MRAP2: variants seen among roughly 807,000 people sequenced by gnomAD.
MRAP2 encodes the protein melanocortin-2 receptor accessory protein 2.
A neutral mutation model predicts 17.4 loss-of-function variants in MRAP2; 20 were observed. That is an observed-to-expected ratio of 1.15 (90% CI 0.81 to 1.67). MRAP2 has a LOEUF of 1.67. MRAP2 is among the 40% of genes most tolerant of loss of function. MRAP2 has a pLI of 0.00. For missense variants in MRAP2, 238 were observed against 240.0 expected (o/e 0.99, Z 0.05); for synonymous variants, 96 against 88.4 (o/e 1.09, Z -0.48).
chr6:84,145,422 G>C, the MRAP2 span, among the ~76,000 whole-genome samples: 4 of 152,114 alleles, frequency 2.6e-5, no homozygotes, highest in Non-Finnish European at 5.9e-5. Context: ...ACCAAGCCAA[G>C]TTTAATGAGA....
downstream of MRAP2, among the ~76,000 whole-genome samples, chr6:84,094,042 A>G (rs998861304): frequency 5.9e-5 from 9 of 152,216 alleles, no homozygotes; most frequent in African/African-American, 2.2e-4. Flanking sequence ...AACATTTTCA[A>G]GAACTAGGGT....
the MRAP2 span, among the ~76,000 whole-genome samples, chr6:84,141,950 T>G: frequency 6.6e-5 from 10 of 152,320 alleles, no homozygotes; most frequent in African/African-American, 1.7e-4. Context: ...AAATGCCTTC[T>G]TGGAGAAAAC....
chr6:84,046,716 G>T (rs962653482), intron 1 of MRAP2, among the ~76,000 whole-genome samples: 2 of 149,274 alleles, frequency 1.3e-5, no homozygotes, highest in African/African-American at 2.5e-5. Context: ...AGGAGGTGGA[G>T]GTTGCAGTGA....
At chr6:84,058,522 C>T (rs1481717514) in intron 2 of MRAP2, among the ~76,000 whole-genome samples, 1 of 151,886 alleles carries the variant, frequency 6.6e-6, no homozygotes, top group African/African-American at 2.4e-5. Context: ...TAAATTGAGA[C>T]ATCTATCACA....
the MRAP2 span, among the ~76,000 whole-genome samples, chr6:84,102,635 T>C: frequency 6.6e-6 from 1 of 152,096 alleles, no homozygotes; most frequent in Non-Finnish European, 1.5e-5. Flanking sequence ...AAGCTTGTGT[T>C]GTTTTAAGTC....
the MRAP2 span, among the ~76,000 whole-genome samples, chr6:84,117,550 T>C: frequency 1.3e-5 from 2 of 152,244 alleles, no homozygotes; most frequent in South Asian, 2.1e-4. Flanking sequence ...AAATGTGTTA[T>C]TGTTCTATTC....
At chr6:84,061,292 C>T (rs571703936) in intron 2 of MRAP2, among the ~76,000 whole-genome samples, 2 of 152,270 alleles carry the variant, frequency 1.3e-5, no homozygotes, top group Admixed American at 6.5e-5. Context: ...TAGAAAATTG[C>T]TAAGCATCCT....
chr6:84,093,571 C>T (rs139013919), downstream of MRAP2, among the ~76,000 whole-genome samples: 243 of 152,310 alleles, frequency 1.6e-3, 3 homozygotes, highest in African/African-American at 5.6e-3. Flanking sequence ...GAAGTCAGCA[C>T]TGCACAAGGA....
the MRAP2 span, among the ~76,000 whole-genome samples, chr6:84,144,310 G>A: frequency 6.6e-6 from 1 of 151,980 alleles, no homozygotes; most frequent in Non-Finnish European, 1.5e-5. Flanking sequence ...TGTTCCAGAA[G>A]TTGTATACAA....
intron 2 of MRAP2, among the ~76,000 whole-genome samples, chr6:84,057,188 ACTGTTGAAATGTGTGCT>A (rs1190826457): frequency 6.6e-6 from 1 of 152,222 alleles, no homozygotes; most frequent in African/African-American, 2.4e-5. Flanking sequence ...GATCAAGTCA[ACTGTTGAAATGTGTGCT>A]CTGGTACAGT....
chr6:84,145,889 G>A, the MRAP2 span, among the ~76,000 whole-genome samples: 1 of 152,032 alleles, frequency 6.6e-6, no homozygotes, highest in East Asian at 1.9e-4. Flanking sequence ...TCAGAAATTA[G>A]TATACAGACT....
intron 3 of MRAP2, 96 bp from the exon 4 acceptor site, chr6:84,088,995 G>A: frequency 7.3e-7 from 1 of 1,379,202 alleles, no homozygotes; most frequent in Non-Finnish European, 9.8e-7. Context: ...GGTGCTTAGT[G>A]GAAATGTGCT....
chr6:84,058,602 G>T (rs190793131), intron 2 of MRAP2, among the ~76,000 whole-genome samples: 171 of 152,258 alleles, frequency 1.1e-3, no homozygotes, highest in African/African-American at 4.0e-3. Flanking sequence ...GCATGTAAAC[G>T]GTATGCGTTC....
intron 1 of MRAP2, among the ~76,000 whole-genome samples, chr6:84,040,304 A>T (rs2099487192): frequency 6.6e-6 from 1 of 152,024 alleles, no homozygotes; most frequent in African/African-American, 2.4e-5. Context: ...AGTCAATTAA[A>T]CCTCTTTCCT....
the MRAP2 span, among the ~76,000 whole-genome samples, chr6:84,103,811 G>A: frequency 6.6e-6 from 1 of 152,136 alleles, no homozygotes. Context: ...ATGACCATAA[G>A]TGCAGGGTAC....
Position 84,055,351 on chromosome 6 carries a change from C to T in MRAP2, c.33C>T (p.Thr11=). The T allele has an allele frequency of 3.1e-6, 5 of 1,613,716 alleles. No homozygotes were observed. The highest frequency in any genetic ancestry group is 4.2e-6 in the Non-Finnish European group (5 of 1,179,906). ...CCCAGAGGTTAATTTCTAACAGAAC[C>T]TCCCAGCAATCGGCATCTAATTCTG... MSAQRLISNR[T]SQQSASNSDY... Residue 11 remains threonine (T), a synonymous_variant, in exon 2 of 4, where the codon ACC becomes ACT. Coordinates refer to ENST00000257776, the MANE Select transcript of MRAP2 (RefSeq NM_138409.4).
chr6:84,044,230 A>G (rs946823382), intron 1 of MRAP2, among the ~76,000 whole-genome samples: 4 of 152,184 alleles, frequency 2.6e-5, no homozygotes, highest in African/African-American at 9.7e-5. Context: ...CTTGTTGCCC[A>G]GGCTGGAGTG....
At chr6:84,061,733 G>A in intron 2 of MRAP2, 1 of 974,870 alleles carries the variant, frequency 1.0e-6, no homozygotes, top group Non-Finnish European at 1.2e-6. Flanking sequence ...CCCCTAGTTT[G>A]ATTGGAAACA....
At chr6:84,037,514 G>C (rs546481544) in intron 1 of MRAP2, among the ~76,000 whole-genome samples, 1 of 152,226 alleles carries the variant, frequency 6.6e-6, no homozygotes, top group Non-Finnish European at 1.5e-5. Flanking sequence ...GGGACCAGGC[G>C]CCATGGAGCA....
Sources: gnomAD v4.1 joint callset for allele counts (sites outside exome capture counted in the v4.1 genomes callset) on GRCh38, gnomAD v4.1.1 for gene constraint, MANE v1.5 for transcripts, NCBI Gene and HGNC (gene_info 2026-07-23, HGNC 2026-07-21) for gene names.